Variants in PNKD observed in about 807,000 individuals in gnomAD.
PNKD encodes PNKD metallo-beta-lactamase domain containing, also known as probable thioesterase PNKD.
Under a neutral mutation model 45.3 loss-of-function variants are expected in PNKD, and 36 were observed. That is an observed-to-expected ratio of 0.80 (90% CI 0.61 to 1.05). The LOEUF (loss-of-function observed/expected upper bound fraction) is 1.05, where lower values mean the gene tolerates loss of function less well. Among genes scored for constraint, PNKD ranks in the 50% least tolerant of loss-of-function variants. PNKD has a pLI of 0.00. For missense variants in PNKD, 511 were observed against 506.6 expected, an observed-to-expected ratio of 1.01 and a Z score of -0.08; for synonymous variants, 197 against 210.1, an observed-to-expected ratio of 0.94 and a Z score of 0.54.
At chr2:218,288,895 T>G (rs1692732084) in intron 2 of PNKD, among the ~76,000 whole-genome samples, 1 of 152,192 alleles carries the variant, frequency 6.6e-6, no homozygotes, top group Non-Finnish European at 1.5e-5. Flanking sequence ...GCACATCTGA[T>G]CCTTGCAACA....
At chr2:218,284,370 GGCCAGAGA>G (rs1559507747) in intron 2 of PNKD, 1 of 152,250 alleles carries the variant, frequency 6.6e-6, no homozygotes, top group East Asian at 1.9e-4. Context: ...ACCTTTGCTC[GGCCAGAGA>G]GCTGCCCCTG....
chr2:218,294,504 T>C (rs1052077402), intron 2 of PNKD, among the ~76,000 whole-genome samples: 1 of 152,144 alleles, frequency 6.6e-6, no homozygotes. Context: ...CAGCCTTCCT[T>C]TTTTTTGAGA....
intron 2 of PNKD, among the ~76,000 whole-genome samples, chr2:218,320,141 G>T (rs1299367644): frequency 6.6e-6 from 1 of 152,244 alleles, no homozygotes; most frequent in African/African-American, 2.4e-5. Context: ...AAGAACGTTT[G>T]TGAGTATGTA....
chr2:218,288,365 C>A (rs1244794714), intron 2 of PNKD, among the ~76,000 whole-genome samples: 1 of 152,054 alleles, frequency 6.6e-6, no homozygotes, highest in African/African-American at 2.4e-5. Flanking sequence ...GGAGGCGGAG[C>A]TTGCAGTGAG....
chr2:218,276,901 C>T (rs1691272939), intron 2 of PNKD: 3 of 932,128 alleles, frequency 3.2e-6, no homozygotes, highest in Non-Finnish European at 5.1e-6. Context: ...TTCTGGAGGT[C>T]AGAGCCTGCC....
chr2:218,308,730 G>A (rs966869746), intron 2 of PNKD, among the ~76,000 whole-genome samples: 7 of 151,750 alleles, frequency 4.6e-5, no homozygotes, highest in Non-Finnish European at 1.5e-5. Context: ...GGGATTACAG[G>A]AGCTGCCACC....
chr2:218,280,900 C>T (rs1691868760), intron 2 of PNKD: 1 of 151,088 alleles, frequency 6.6e-6, no homozygotes, highest in South Asian at 2.1e-4. Flanking sequence ...CAACCTCCAC[C>T]TCCCGGGTTC....
Position 218,340,498 on chromosome 2 carries a change from A to C in PNKD, c.466-230A>C. Among the ~76,000 whole-genome samples, 2 of 148,204 alleles carry C rather than the reference A, an allele frequency of 1.3e-5. No homozygotes were observed. The highest frequency in any genetic ancestry group is 3.0e-5 in the Non-Finnish European group (2 of 66,820). On this transcript the variant is annotated intron_variant, in intron 4 of 9. Coordinates refer to ENST00000273077, the MANE Select transcript of PNKD (RefSeq NM_015488.5). This position sits in a 1 kb window ranked among gnomAD's most constrained non-coding sequence, Gnocchi z 4.2. ...CTGGGTCTCTCTGTCTTTCCCTCCC[A>C]TTCCTTATCTCTCTGTGTCTGCCTC...
chr2:218,317,614 G>C (rs988574350), intron 2 of PNKD, among the ~76,000 whole-genome samples: 3 of 152,218 alleles, frequency 2.0e-5, no homozygotes, highest in African/African-American at 7.2e-5. Flanking sequence ...AGAAGGCAGG[G>C]CAGTGAGAGA....
At chr2:218,328,196 A>C (rs1178114494) in intron 2 of PNKD, among the ~76,000 whole-genome samples, 2 of 152,056 alleles carry the variant, frequency 1.3e-5, no homozygotes, top group African/African-American at 4.8e-5. Flanking sequence ...CCTAGCTGAG[A>C]GGTCTGGGCT....
chr2:218,271,602 G>A lies in PNKD; in HGVS notation c.236+53G>A, dbSNP rs529245386. The stretch of plus-strand genomic sequence containing the variant: ...CAACGGGGCGTGGCTTGTAGGGGAG[G>A]GCAGGACTTAGAAACTTCTCCAAGT... On this transcript the variant is annotated intron_variant, in intron 2 of 9. Transcript: ENST00000273077. The A allele has an allele frequency of 9.8e-6, 15 of 1,523,730 alleles. No individual in the cohort carries two copies. The Admixed American group carries it at 1.6e-4, about 16-fold the overall frequency. 94.4% of individuals were successfully genotyped at this position (1,523,730 alleles called of 1,614,324 possible).
At chr2:218,275,516 T>C (rs746952375) in intron 2 of PNKD, 1 of 1,614,110 alleles carries the variant, frequency 6.2e-7, no homozygotes, top group South Asian at 1.1e-5. Context: ...AAGGTGAAGA[T>C]GTAGATGATG....
intron 2 of PNKD, among the ~76,000 whole-genome samples, chr2:218,292,196 G>A (rs973008539): frequency 3.3e-5 from 5 of 152,198 alleles, no homozygotes; most frequent in Non-Finnish European, 7.4e-5. Flanking sequence ...CCCTGGCTCC[G>A]CTCACCAGTG....
At chr2:218,296,118 G>A (rs1288649378) in intron 2 of PNKD, among the ~76,000 whole-genome samples, 2 of 152,226 alleles carry the variant, frequency 1.3e-5, no homozygotes, top group Admixed American at 6.5e-5. Flanking sequence ...AAAGTGCTGG[G>A]ACTACAGGCA....
chr2:218,293,408 C>A (rs886630608), intron 2 of PNKD, among the ~76,000 whole-genome samples: 2 of 152,130 alleles, frequency 1.3e-5, no homozygotes, highest in South Asian at 4.1e-4. Flanking sequence ...CATAGAGAGA[C>A]CTTGTCTCAA....
chr2:218,309,082 T>C (rs1693514477), intron 2 of PNKD, among the ~76,000 whole-genome samples: 1 of 150,826 alleles, frequency 6.6e-6, no homozygotes, highest in African/African-American at 2.4e-5. Context: ...TCTATTTAAA[T>C]AAAAATAAAA....
rs796213861 is a variant in PNKD at position 218,276,939 on chromosome 2, A to G, written c.236+5390A>G. 4 of 1,395,218 alleles carry G rather than the reference A, an allele frequency of 2.9e-6. No homozygotes were observed. In the African/African-American group the frequency reaches 4.3e-5, roughly 15 times the overall value. The allele number at this position is 1,395,218 out of a possible 1,614,324, so 86.4% of individuals were successfully genotyped here. A position where few individuals can be genotyped will look rare whatever the true frequency, so the allele number is the denominator to read the frequency against. On this transcript the variant is annotated intron_variant, in intron 2 of 9. Coordinates refer to ENST00000273077, the MANE Select transcript of PNKD (RefSeq NM_015488.5). ...GGGGACCTTTGGGGCCTGCGAGACC[A>G]TGCTATATAGGAAGTCTGCCCTGAG... is the stretch of plus-strand genomic sequence containing the variant.
intron 2 of PNKD, among the ~76,000 whole-genome samples, chr2:218,317,669 G>T (rs1693851824): frequency 6.6e-6 from 1 of 152,230 alleles, no homozygotes; most frequent in East Asian, 1.9e-4. Flanking sequence ...GTCCAGACAG[G>T]CTGGGAGCTC....
intron 2 of PNKD, among the ~76,000 whole-genome samples, chr2:218,324,531 G>A (rs919632446): frequency 1.3e-5 from 2 of 152,248 alleles, no homozygotes; most frequent in African/African-American, 2.4e-5. Context: ...TCTTGTGTTT[G>A]TGCCTTTTGG....
Sources: gnomAD v4.1 joint callset for allele counts (sites outside exome capture counted in the v4.1 genomes callset) on GRCh38, gnomAD v4.1.1 for gene constraint, Gnocchi (gnomAD v3.1) non-coding constraint, MANE v1.5 for transcripts, NCBI Gene and HGNC (gene_info 2026-07-23, HGNC 2026-07-21) for gene names.